LAMB4: variants seen among roughly 807,000 people sequenced by gnomAD.
LAMB4 encodes the protein laminin subunit beta-4.
Under a neutral mutation model 199.2 loss-of-function variants are expected in LAMB4, and 196 were observed. The observed-to-expected ratio is 0.98, with a 90% CI of 0.88 to 1.11. The LOEUF (loss-of-function observed/expected upper bound fraction) is 1.11, where lower values mean the gene tolerates loss of function less well. LAMB4 is among the 50% of genes least tolerant of loss of function. The pLI is 0.00. For synonymous variants in LAMB4, 744 were observed against 770.6 expected, an observed-to-expected ratio of 0.97 and a Z score of 0.57; for missense variants, 2,080 against 2,171.2, an observed-to-expected ratio of 0.96 and a Z score of 0.83.
At chr7:108,034,409 G>A (rs2035154905) in intron 30 of LAMB4, 63 bp from the exon 31 acceptor site, 2 of 1,325,826 alleles carry the variant, frequency 1.5e-6, no homozygotes, top group South Asian at 1.2e-5. Context: ...ATTTCACCTT[G>A]AGAGAGTTCA....
chr7:108,030,884 C>T lies in LAMB4; in HGVS notation c.4914G>A (p.Leu1638=), dbSNP rs776025015. Residue 1638 remains leucine, a synonymous_variant, in exon 32 of 34, where the codon TTG becomes TTA. Transcript: ENST00000388781. ...EDGLSLLQTK[L]QRHQDHAVNA... ...TGACAGCGTGGTCTTGATGCCTTTG[C>T]AACTTGGTCTGCAGCAGGGAAAGTC... 3.1e-6 allele frequency: 5 copies of T among 1,614,124 alleles called. No individual in the cohort carries two copies. The highest frequency in any genetic ancestry group is 1.3e-5 in the African/African-American group (1 of 75,036).
chr7:108,118,896 A>G, intron 2 of LAMB4, among the ~76,000 whole-genome samples: 1 of 152,248 alleles, frequency 6.6e-6, no homozygotes, highest in African/African-American at 2.4e-5. Context: ...CCATATATCC[A>G]ACAAAGCTCT....
intron 19 of LAMB4, among the ~76,000 whole-genome samples, chr7:108,067,361 GT>G (rs1563062116): frequency 6.6e-6 from 1 of 152,160 alleles, no homozygotes; most frequent in Non-Finnish European, 1.5e-5. Flanking sequence ...CTACCTGTAG[GT>G]TTTCATGGTT....
At chr7:108,044,919 CT>C (rs1278737085) in intron 28 of LAMB4, among the ~76,000 whole-genome samples, 1 of 140,602 alleles carries the variant, frequency 7.1e-6, no homozygotes, top group African/African-American at 2.8e-5. Flanking sequence ...CACCATTACA[CT>C]CCAGCCTGGG....
At chr7:108,127,133 C>G (rs555030307) in intron 1 of LAMB4, among the ~76,000 whole-genome samples, 1 of 151,636 alleles carries the variant, frequency 6.6e-6, no homozygotes, top group African/African-American at 2.4e-5. Context: ...AAGGGCATAA[C>G]CCAGTGCTTT....
At chr7:108,064,560 G>A (rs988430899) in intron 21 of LAMB4, among the ~76,000 whole-genome samples, 2 of 152,058 alleles carry the variant, frequency 1.3e-5, no homozygotes, top group East Asian at 1.9e-4. Flanking sequence ...AGATGACTGC[G>A]GCTTTTTAGG....
rs2036725724 is a variant in LAMB4, at chr7:108,076,961, G to A, written c.2107C>T (p.His703Tyr). 1 of 1,614,062 alleles carries A rather than the reference G, an allele frequency of 6.2e-7. No homozygotes were observed. The highest frequency in any genetic ancestry group is 8.5e-7 in the Non-Finnish European group (1 of 1,179,934). The change falls in exon 17 of 34, where the codon CAT becomes TAT. Residue 703 changes from histidine (H) to tyrosine (Y), a missense_variant. Physicochemically the swap from His to Tyr is moderately conservative, Grantham distance 83. Coordinates refer to ENST00000388781, the MANE Select transcript of LAMB4 (RefSeq NM_007356.3). Reference sequence around the variant, plus strand: ...ATACTTACAGAGTCCACCAGGACATGTGAATGAGCGTGGGACTCTCCTTGC... The same window carrying A: ...ATACTTACAGAGTCCACCAGGACATATGAATGAGCGTGGGACTCTCCTTGC... ...PLQGESHAHS[H>Y]VLVDSLGLIP... is the part of the protein sequence containing the mutation.
intron 12 of LAMB4, among the ~76,000 whole-genome samples, chr7:108,094,237 A>G (rs1374940499): frequency 1.3e-5 from 2 of 152,224 alleles, no homozygotes; most frequent in African/African-American, 4.8e-5. Context: ...CTGGAATTAC[A>G]TGATTTGGTC....
chr7:108,084,298 A>G (rs886212067), intron 14 of LAMB4, among the ~76,000 whole-genome samples: 1 of 152,184 alleles, frequency 6.6e-6, no homozygotes, highest in African/African-American at 2.4e-5. Context: ...AGAATCCTGG[A>G]GAACCTGTGC....
At chr7:108,122,170 G>T (rs1364303643) in intron 2 of LAMB4, among the ~76,000 whole-genome samples, 1 of 152,230 alleles carries the variant, frequency 6.6e-6, no homozygotes, top group Non-Finnish European at 1.5e-5. Context: ...TTTGCAAGAT[G>T]TAAGTAAGAT....
At chr7:108,022,946 G>A (rs1265618882), downstream of LAMB4, among the ~76,000 whole-genome samples, 1 of 151,932 alleles carries the variant, frequency 6.6e-6, no homozygotes, top group Admixed American at 6.6e-5. Flanking sequence ...TGAGTAGCTG[G>A]GATTACAAGC....
At chr7:108,016,071 A>G in the LAMB4 span, among the ~76,000 whole-genome samples, 3 of 152,086 alleles carry the variant, frequency 2.0e-5, no homozygotes, top group Non-Finnish European at 2.9e-5. Flanking sequence ...TGGTCCATTT[A>G]ATACAGCCTA....
chr7:108,127,460 C>T (rs1324818091), intron 1 of LAMB4, among the ~76,000 whole-genome samples: 2 of 152,190 alleles, frequency 1.3e-5, no homozygotes, highest in Non-Finnish European at 1.5e-5. Context: ...CAGTGGTTCT[C>T]CAAGCGTAGT....
Position 108,081,629 on chromosome 7 carries a change from GTAGA to G in LAMB4, c.1702-1847_1702-1844del, listed in dbSNP as rs150605853. ...TAGATCCTAAGATGCAATTCTGGAGGTAGATAATTTACTGTTTGGCTGGCAGTGA... is the reference window on the plus strand; with the variant it reads ...TAGATCCTAAGATGCAATTCTGGAGGTAATTTACTGTTTGGCTGGCAGTGA... On this transcript the variant is annotated intron_variant, in intron 14 of 33. Transcript: ENST00000388781. Among the ~76,000 whole-genome samples, 1,121 of 152,294 alleles carry G rather than the reference GTAGA, an allele frequency of 7.4e-3. 19 individuals carry two copies. The highest frequency in any genetic ancestry group is 0.026 in the African/African-American group (1,088 of 41,562).
At chr7:108,087,050 T>C (rs953797156) in intron 14 of LAMB4, among the ~76,000 whole-genome samples, 4 of 152,042 alleles carry the variant, frequency 2.6e-5, no homozygotes, top group African/African-American at 9.7e-5. Flanking sequence ...GGCTGTAGCA[T>C]AGGAAGAGAA....
intron 18 of LAMB4, among the ~76,000 whole-genome samples, chr7:108,069,110 T>A (rs1015011314): frequency 3.3e-5 from 5 of 152,238 alleles, no homozygotes; most frequent in Non-Finnish European, 5.9e-5. Context: ...TCGGCTGTCA[T>A]TGTAGCTGTC....
chr7:108,105,389 A>T (rs2037966717), intron 8 of LAMB4, among the ~76,000 whole-genome samples: 1 of 152,218 alleles, frequency 6.6e-6, no homozygotes, highest in African/African-American at 2.4e-5. Context: ...GTCCTTCAGT[A>T]GATTTTTGTG....
At position 108,055,947 on chromosome 7, in the gene LAMB4, C is replaced by T; in HGVS notation, c.3440G>A (p.Cys1147Tyr). Reference protein sequence around the residue: ...KPICDPDTGMCRCREGVSGQR... With the variant: ...KPICDPDTGMYRCREGVSGQR... The stretch of plus-strand genomic sequence containing the variant: ...GCCGCTGACACCCTCCCGGCAGCGG[C>T]ACATGCCTGTGTCTGGATCACAGAT... Residue 1147 changes from cysteine (C) to tyrosine (Y), a missense_variant, in exon 25 of 34, where the codon TGC becomes TAC. Coordinates refer to ENST00000388781, the MANE Select transcript of LAMB4 (RefSeq NM_007356.3). 1.9e-6 allele frequency: 3 copies of T among 1,614,200 alleles called. No individual in the cohort carries two copies. The highest frequency in any genetic ancestry group is 2.5e-6 in the Non-Finnish European group (3 of 1,180,032).
At chr7:108,064,107 C>T (rs1021605263) in intron 21 of LAMB4, 122 bp from the exon 22 acceptor site, 16 of 698,998 alleles carry the variant, frequency 2.3e-5, no homozygotes, top group African/African-American at 7.1e-5. Flanking sequence ...ATCACACATT[C>T]GGGGTGAATA....
Sources: gnomAD v4.1 joint callset for allele counts (sites outside exome capture counted in the v4.1 genomes callset) on GRCh38, gnomAD v4.1.1 for gene constraint, MANE v1.5 for transcripts, NCBI Gene and HGNC (gene_info 2026-07-23, HGNC 2026-07-21) for gene names.